The following NPTXR variants were observed in gnomAD, a reference collection of about 807,000 sequenced individuals.
NPTXR encodes neuronal pentraxin receptor.
Under a neutral mutation model 32.2 loss-of-function variants are expected in NPTXR, and 12 were observed. The observed-to-expected ratio is 0.37, with a 90% CI of 0.24 to 0.60. The LOEUF is 0.60. Among genes scored for constraint, NPTXR ranks in the 20% least tolerant of loss-of-function variants. The probability of loss-of-function intolerance (pLI) is 0.66; values close to 1 mark genes in which losing one functional copy is unlikely to be tolerated. For missense variants in NPTXR, 612 were observed against 682.9 expected, an observed-to-expected ratio of 0.90 and a Z score of 1.16; for synonymous variants, 323 against 315.8, an observed-to-expected ratio of 1.02 and a Z score of -0.24.
In NPTXR at chr22:38,843,732, C is replaced by G; in HGVS notation, c.127G>C (p.Ala43Pro). 1.0e-6 allele frequency: 1 copy of G among 995,326 alleles called. No individual in the cohort carries two copies. The highest frequency in any genetic ancestry group is 1.0e-4 in the East Asian group (1 of 9,608). 61.7% of individuals were successfully genotyped at this position (995,326 alleles called of 1,614,324 possible). A position where few individuals can be genotyped will look rare whatever the true frequency, so the allele number is the denominator to read the frequency against. The change falls in exon 1 of 5, where the codon GCT becomes CCT. Residue 43 changes from alanine to proline, a missense_variant. By Grantham distance (27) the Ala-to-Pro change is conservative. Coordinates refer to ENST00000333039, the MANE Select transcript of NPTXR (RefSeq NM_014293.4). This position sits in a 1 kb window ranked among gnomAD's most constrained non-coding sequence, Gnocchi z 5.3. ...GCGGCGGCGCCCGAGGCGACCGAAG[C>G]ATTGTCGGCGCCGCCGGGCAGCGCC...
chr22:38,838,650 C>T (rs1041973189), intron 1 of NPTXR, among the ~76,000 whole-genome samples: 11 of 142,978 alleles, frequency 7.7e-5, no homozygotes, highest in Admixed American at 5.9e-4. Context: ...GGCAAGATCT[C>T]GGCTCACTGC....
At chr22:38,840,920 G>C (rs1051105615) in intron 1 of NPTXR, among the ~76,000 whole-genome samples, 2 of 152,184 alleles carry the variant, frequency 1.3e-5, no homozygotes, top group Non-Finnish European at 2.9e-5. Flanking sequence ...CCTGCAAGAG[G>C]GGATGATCAG....
At chr22:38,823,822 C>T (rs1462458590) in intron 3 of NPTXR, among the ~76,000 whole-genome samples, 12 of 152,188 alleles carry the variant, frequency 7.9e-5, no homozygotes, top group Admixed American at 2.0e-4. Flanking sequence ...CAGACATAGC[C>T]AATCAATCAC....
rs754974068 is a variant in NPTXR at position 38,826,490 on chromosome 22, CCCTG to C, written c.1098+6_1098+9del. On this transcript the variant is annotated splice_donor_region_variant and intron_variant, in intron 3 of 4. Transcript: ENST00000333039. ...TCCCCCAGCCAGCCCTCCCTGCCAG[CCCTG>C]CCTACCTTGTCGTTGATCAGCAGCT... 239 of 1,595,234 alleles carry C rather than the reference CCCTG, an allele frequency of 1.5e-4. No individual in the cohort carries two copies. The highest frequency in any genetic ancestry group is 1.9e-4 in the Non-Finnish European group (220 of 1,167,638).
intron 2 of NPTXR, 72 bp downstream of exon 2, chr22:38,828,215 T>C (rs894544648): frequency 1.6e-6 from 2 of 1,239,046 alleles, no homozygotes; most frequent in African/African-American, 2.9e-5. Context: ...CCGGGGAGCA[T>C]GGATATATTT....
intron 2 of NPTXR, among the ~76,000 whole-genome samples, chr22:38,827,596 A>G (rs1192275493): frequency 6.6e-6 from 1 of 151,756 alleles, no homozygotes; most frequent in African/African-American, 2.4e-5. Context: ...ACTGCTCACC[A>G]TTTCTCCTGT....
At chr22:38,824,004 A>G (rs773433972) in intron 3 of NPTXR, among the ~76,000 whole-genome samples, 1 of 151,626 alleles carries the variant, frequency 6.6e-6, no homozygotes, top group Non-Finnish European at 1.5e-5. Flanking sequence ...TTGAGATGGA[A>G]TTTCACTATG....
chr22:38,834,449 G>GC lies in NPTXR; in HGVS notation c.625-5938dup, dbSNP rs2093120924. The stretch of plus-strand genomic sequence containing the variant: ...TTCCTTCTCCAAGAACATTCTTCCC[G>GC]CCCCCACCCCTCCTCTGCCCATTGC... On this transcript the variant is annotated intron_variant, in intron 1 of 4. Transcript: ENST00000333039. This position sits in a 1 kb window ranked among gnomAD's most constrained non-coding sequence, Gnocchi z 4.4. Among the ~76,000 whole-genome samples the GC allele has an allele frequency of 9.4e-6, 1 of 106,646 alleles. No homozygotes were observed. Among genetic ancestry groups the GC allele is most frequent in the Admixed American group, 1.0e-4 (1 of 9,708 alleles). 70.0% of individuals were successfully genotyped at this position (106,646 alleles called of 152,430 possible).
chr22:38,826,420 A>T, intron 3 of NPTXR, 80 bp downstream of exon 3: 2 of 1,480,270 alleles, frequency 1.4e-6, no homozygotes, highest in Non-Finnish European at 1.8e-6. Flanking sequence ...GAGCAGGAGA[A>T]TGAAAGAGCC....
chr22:38,843,425 C>G lies in NPTXR; in HGVS notation c.434G>C (p.Arg145Pro). ...CTCACGGATGGTGTCCTGGTCGGCG[C>G]GGATGCGCGCCTCCTGCTGCAGCGC... is the stretch of plus-strand genomic sequence containing the variant. The change falls in exon 1 of 5, where the codon CGC becomes CCC. Residue 145 changes from arginine to proline, a missense_variant. Arg to Pro is a moderately radical substitution (Grantham distance 103). Coordinates refer to ENST00000333039, the MANE Select transcript of NPTXR (RefSeq NM_014293.4). This position sits in a 1 kb window ranked among gnomAD's most constrained non-coding sequence, Gnocchi z 5.3. 1 of 1,391,350 alleles carries G rather than the reference C, an allele frequency of 7.2e-7. No individual in the cohort carries two copies. Among genetic ancestry groups the G allele is most frequent in the Non-Finnish European group, 9.3e-7 (1 of 1,079,616 alleles). 86.2% of individuals were successfully genotyped at this position (1,391,350 alleles called of 1,614,324 possible).
chr22:38,836,142 C>T (rs1603246322), intron 1 of NPTXR, among the ~76,000 whole-genome samples: 1 of 152,278 alleles, frequency 6.6e-6, no homozygotes, highest in South Asian at 2.1e-4. Context: ...AATGACCATA[C>T]CGAGTTTGGC....
intron 1 of NPTXR, among the ~76,000 whole-genome samples, chr22:38,832,284 C>T (rs1004938109): frequency 1.3e-5 from 2 of 152,230 alleles, no homozygotes; most frequent in Non-Finnish European, 2.9e-5. Context: ...TGGGCGCAGG[C>T]TGTGCCGCGT....
intron 1 of NPTXR, among the ~76,000 whole-genome samples, chr22:38,838,144 AC>A (rs1157903946): frequency 9.9e-5 from 15 of 152,104 alleles, no homozygotes; most frequent in Admixed American, 6.5e-4. Context: ...GGTGTGAGCC[AC>A]CGCTCCTGAC....
At chr22:38,837,624 TAAAC>T (rs912833599) in intron 1 of NPTXR, among the ~76,000 whole-genome samples, 85 of 152,232 alleles carry the variant, frequency 5.6e-4, no homozygotes, top group Non-Finnish European at 3.1e-4. Context: ...TGTACCCCCA[TAAAC>T]ACACCTACAC....
At chr22:38,827,236 T>C (rs2146192844) in intron 2 of NPTXR, among the ~76,000 whole-genome samples, 1 of 148,594 alleles carries the variant, frequency 6.7e-6, no homozygotes, top group South Asian at 2.1e-4. Context: ...TTCTTTCTTT[T>C]CTTTTCTTTT....
Position 38,843,172 on chromosome 22 carries a change from G to T in NPTXR, c.624+63C>A. On this transcript the variant is annotated intron_variant, in intron 1 of 4. Coordinates refer to ENST00000333039, the MANE Select transcript of NPTXR (RefSeq NM_014293.4). The surrounding 1 kb of genome is among the most constrained non-coding windows in gnomAD (Gnocchi z 5.3). ...ACCGGAGGCTCGGGGACCGCCGGAC[G>T]ACCGCGGCCGGGCGGCCCCTCACAC... 1 of 1,252,944 alleles carries T rather than the reference G, an allele frequency of 8.0e-7. No homozygotes were observed. The highest frequency in any genetic ancestry group is 1.0e-6 in the Non-Finnish European group (1 of 997,766). 77.6% of individuals were successfully genotyped at this position (1,252,944 alleles called of 1,614,324 possible).
At chr22:38,837,453 G>A (rs1045642762) in intron 1 of NPTXR, among the ~76,000 whole-genome samples, 1 of 152,260 alleles carries the variant, frequency 6.6e-6, no homozygotes, top group Non-Finnish European at 1.5e-5. Flanking sequence ...CCACTAGGCA[G>A]AAGCTTCTAG....
chr22:38,843,941 C>T lies in NPTXR; in HGVS notation c.-83G>A. On this transcript the variant is annotated 5_prime_UTR_variant, in exon 1 of 5. Transcript: ENST00000333039. This position sits in a 1 kb window ranked among gnomAD's most constrained non-coding sequence, Gnocchi z 5.3. ...GGCGCGGAGCCCGGGCGCGCTGGGCCGAGCGGGGCAGGCGCGGGAGCCGGA... is the reference window on the plus strand; with the variant it reads ...GGCGCGGAGCCCGGGCGCGCTGGGCTGAGCGGGGCAGGCGCGGGAGCCGGA... 3 of 821,338 alleles carry T rather than the reference C, an allele frequency of 3.7e-6. No homozygotes were observed. The highest frequency in any genetic ancestry group is 4.4e-6 in the Non-Finnish European group (3 of 682,606). 50.9% of individuals were successfully genotyped at this position (821,338 alleles called of 1,614,324 possible).
intron 2 of NPTXR, among the ~76,000 whole-genome samples, chr22:38,827,713 G>A (rs1397616218): frequency 6.6e-6 from 1 of 152,168 alleles, no homozygotes; most frequent in African/African-American, 2.4e-5. Context: ...CTCAGATGAG[G>A]AAAACTGAGG....
Sources: allele counts gnomAD v4.1 joint callset (sites outside exome capture counted in the v4.1 genomes callset), GRCh38; gene constraint gnomAD v4.1.1; non-coding constraint Gnocchi (gnomAD v3.1); transcripts MANE v1.5; gene names NCBI Gene and HGNC (gene_info 2026-07-23, HGNC 2026-07-21).